Variants in DLC1 observed in about 807,000 individuals in gnomAD.
The protein encoded by DLC1 is rho GTPase-activating protein 7.
A neutral mutation model predicts 140.3 loss-of-function variants in DLC1; 54 were observed. That is an observed-to-expected ratio of 0.38 (90% confidence interval 0.31 to 0.48). DLC1 has a LOEUF of 0.48. DLC1 is among the 20% of genes least tolerant of loss of function. DLC1 has a pLI of 0.96. For synonymous variants in DLC1, 986 were observed against 728.1 expected (o/e 1.35, Z -5.70); for missense variants, 2,536 against 1,907.0 (o/e 1.33, Z -6.14).
chr8:13,347,436 A>T (rs1834399790), intron 4 of DLC1, among the ~76,000 whole-genome samples: 1 of 152,186 alleles, frequency 6.6e-6, no homozygotes, highest in Non-Finnish European at 1.5e-5. Flanking sequence ...GCAGGGCTGG[A>T]CACTCCTTGA....
intron 5 of DLC1, among the ~76,000 whole-genome samples, chr8:13,170,186 A>G (rs1825366391): frequency 6.6e-6 from 1 of 152,224 alleles, no homozygotes; most frequent in African/African-American, 2.4e-5. Context: ...GCTGATGTAT[A>G]CTAAAATTCT....
rs11984694 is a variant in DLC1 at position 13,252,026 on chromosome 8, T to A, written c.1348+53243A>T. 8.9e-3 allele frequency among the ~76,000 whole-genome samples: 1,355 copies of A among 152,334 alleles called. 23 individuals carry two copies. The highest frequency in any genetic ancestry group is 0.031 in the African/African-American group (1,284 of 41,570). On this transcript the variant is annotated intron_variant, in intron 5 of 17. Transcript: ENST00000276297. Reference sequence around the variant, plus strand: ...TTAGACAGGACAGATGCTGGGACATTGAATAAAGTCATATTTTTGTGGAGC... The same window carrying A: ...TTAGACAGGACAGATGCTGGGACATAGAATAAAGTCATATTTTTGTGGAGC...
chr8:13,539,757 T>TGTGC (rs1803423137), intron 1 of DLC1, among the ~76,000 whole-genome samples: 1 of 150,634 alleles, frequency 6.6e-6, no homozygotes, highest in South Asian at 2.1e-4. Context: ...TGTATGTGTG[T>TGTGC]GTGTGTGTGT....
intron 2 of DLC1, among the ~76,000 whole-genome samples, chr8:13,446,125 C>A (rs750938916): frequency 6.6e-6 from 1 of 152,078 alleles, no homozygotes; most frequent in Non-Finnish European, 1.5e-5. Context: ...AGACAAAGAA[C>A]TCTCCCCCCC....
At chr8:13,488,986 T>G (rs1801106433) in intron 2 of DLC1, among the ~76,000 whole-genome samples, 1 of 152,136 alleles carries the variant, frequency 6.6e-6, no homozygotes, top group African/African-American at 2.4e-5. Context: ...TTGCTCTTGT[T>G]GCCCAGGCTG....
intron 5 of DLC1, among the ~76,000 whole-genome samples, chr8:13,194,497 T>C (rs1443245758): frequency 6.6e-6 from 1 of 152,202 alleles, no homozygotes; most frequent in African/African-American, 2.4e-5. Context: ...GAACTGTGTA[T>C]CCTGGAATTG....
At chr8:13,279,167 C>G (rs1831276169) in intron 5 of DLC1, among the ~76,000 whole-genome samples, 1 of 152,126 alleles carries the variant, frequency 6.6e-6, no homozygotes, top group Admixed American at 6.6e-5. Flanking sequence ...CCTGAGTCTG[C>G]AGATAGATTT....
intron 4 of DLC1, among the ~76,000 whole-genome samples, chr8:13,384,360 CTA>C (rs762884621): frequency 7.9e-6 from 1 of 126,154 alleles, no homozygotes; most frequent in African/African-American, 2.8e-5. Context: ...CAAGACAAAA[CTA>C]TGTGTGTGAG....
intron 2 of DLC1, among the ~76,000 whole-genome samples, chr8:13,484,618 A>G (rs1363702111): frequency 6.6e-6 from 1 of 152,032 alleles, no homozygotes; most frequent in Non-Finnish European, 1.5e-5. Context: ...TCTTGATTCT[A>G]TGTATCTGTT....
chr8:13,283,686 TTAA>T (rs1416093224), intron 5 of DLC1, among the ~76,000 whole-genome samples: 1 of 152,136 alleles, frequency 6.6e-6, no homozygotes, highest in African/African-American at 2.4e-5. Context: ...GGCTTATTTT[TTAA>T]TGTTTTGTAG....
intron 5 of DLC1, among the ~76,000 whole-genome samples, chr8:13,195,210 C>T (rs545703375): frequency 6.6e-6 from 1 of 152,094 alleles, no homozygotes; most frequent in Non-Finnish European, 1.5e-5. Flanking sequence ...GTTCTAATCC[C>T]AAATTTATCA....
At chr8:13,090,181 G>A (rs188546721) in intron 15 of DLC1, 71 bp downstream of exon 15, 37 of 1,446,438 alleles carry the variant, frequency 2.6e-5, no homozygotes, top group Non-Finnish European at 3.5e-5. Context: ...GTTGGCAAAA[G>A]CGTGTTATCT....
intron 3 of DLC1, among the ~76,000 whole-genome samples, chr8:13,401,154 C>G (rs568013934): frequency 2.2e-4 from 34 of 152,284 alleles, no homozygotes; most frequent in African/African-American, 7.7e-4. Flanking sequence ...AACAGAGTCT[C>G]TCTCGTATCA....
chr8:13,393,256 T>G (rs1272541056), intron 4 of DLC1, among the ~76,000 whole-genome samples: 1 of 145,874 alleles, frequency 6.9e-6, no homozygotes, highest in African/African-American at 2.5e-5. Flanking sequence ...GGGAAAGGCA[T>G]CTCCAGATTT....
intron 2 of DLC1, among the ~76,000 whole-genome samples, chr8:13,470,936 C>T (rs557491047): frequency 4.3e-4 from 65 of 152,270 alleles, no homozygotes; most frequent in Non-Finnish European, 8.1e-4. Flanking sequence ...CATACACGTG[C>T]ATGCATACAA....
At chr8:13,427,171 G>A (rs72603962) in intron 2 of DLC1, among the ~76,000 whole-genome samples, 11,045 of 152,084 alleles carry the variant, frequency 0.073, 535 homozygotes, top group East Asian at 0.13. Flanking sequence ...TCAATTCCAT[G>A]CCCCACTGTA....
chr8:13,604,366 T>C (rs1424842518), intron 1 of DLC1, among the ~76,000 whole-genome samples: 2 of 152,210 alleles, frequency 1.3e-5, no homozygotes, highest in Non-Finnish European at 2.9e-5. Flanking sequence ...ACTTCTTTTA[T>C]GTGTATTTAG....
chr8:13,278,761 A>C (rs1258840355), intron 5 of DLC1, among the ~76,000 whole-genome samples: 1 of 152,208 alleles, frequency 6.6e-6, no homozygotes, highest in East Asian at 1.9e-4. Context: ...ACCTAAACAC[A>C]GAAAGGAAGG....
intron 1 of DLC1, among the ~76,000 whole-genome samples, chr8:13,509,450 T>A (rs1247990407): frequency 6.6e-6 from 1 of 152,236 alleles, no homozygotes; most frequent in East Asian, 1.9e-4. Flanking sequence ...ATCTCTATCA[T>A]CTCATCTTAA....
Sources: gnomAD v4.1 joint callset for allele counts (sites outside exome capture counted in the v4.1 genomes callset) on GRCh38, gnomAD v4.1.1 for gene constraint, MANE v1.5 for transcripts, NCBI Gene and HGNC (gene_info 2026-07-23, HGNC 2026-07-21) for gene names.